The following TLL1 variants were observed in gnomAD, a reference collection of about 807,000 sequenced individuals.
TLL1 encodes tolloid-like protein 1.
TLL1 carries 49 observed loss-of-function variants against 128.2 expected under a neutral mutation model. The ratio of observed to expected loss-of-function variants is 0.38; its 90% CI spans 0.30 to 0.48. TLL1 has a LOEUF of 0.48. Among genes scored for constraint, TLL1 ranks in the 20% least tolerant of loss-of-function variants. The probability of loss-of-function intolerance (pLI) is 0.96; values close to 1 mark genes in which losing one functional copy is unlikely to be tolerated. For missense variants in TLL1, 1,123 were observed against 1,242.0 expected, an observed-to-expected ratio of 0.90 and a Z score of 1.44; for synonymous variants, 454 against 418.8, an observed-to-expected ratio of 1.08 and a Z score of -1.03.
chr4:166,014,689 T>A, intron 8 of TLL1, 129 bp downstream of exon 8: 2 of 1,399,898 alleles, frequency 1.4e-6, no homozygotes, highest in Non-Finnish European at 2.0e-6. Context: ...CAGTTCAAAG[T>A]CAGTAATCAT....
chr4:165,931,310 T>C (rs1336515849), intron 1 of TLL1, among the ~76,000 whole-genome samples: 2 of 152,202 alleles, frequency 1.3e-5, no homozygotes, highest in Non-Finnish European at 1.5e-5. Context: ...AGTTCTGAGC[T>C]TAATTTAATT....
At chr4:165,990,121 T>C (rs1014935502) in intron 2 of TLL1, among the ~76,000 whole-genome samples, 2 of 151,970 alleles carry the variant, frequency 1.3e-5, no homozygotes, top group African/African-American at 4.8e-5. Flanking sequence ...TGTAAGAAAC[T>C]TGATATATGT....
At chr4:166,047,723 GA>G (rs1739525534) in intron 12 of TLL1, among the ~76,000 whole-genome samples, 1 of 152,056 alleles carries the variant, frequency 6.6e-6, no homozygotes, top group African/African-American at 2.4e-5. Context: ...TGAGTTTCAG[GA>G]ATCTTTGAGC....
rs753720943 is a variant in TLL1 at position 166,099,463 on chromosome 4, A to G, written c.2843A>G (p.Tyr948Cys). The change falls in exon 20 of 21, where the codon TAT becomes TGT. Residue 948 changes from tyrosine to cysteine, a missense_variant. Coordinates refer to ENST00000061240, the MANE Select transcript of TLL1 (RefSeq NM_012464.5). ...VEEEADCGYD[Y>C]VELFDGLDST... is the part of the protein sequence containing the mutation. ...GAAGAAGCAGACTGTGGCTATGACT[A>G]TGTGGAGCTCTTTGATGGTCTTGAT... The G allele has an allele frequency of 4.3e-6, 7 of 1,613,330 alleles. No individual in the cohort carries two copies. The South Asian group carries it at 4.4e-5, about 10-fold the overall frequency.
chr4:165,895,694 G>C (rs544842371), intron 1 of TLL1, among the ~76,000 whole-genome samples: 2 of 127,302 alleles, frequency 1.6e-5, no homozygotes, highest in Non-Finnish European at 3.2e-5. Flanking sequence ...ATATAGAAAT[G>C]CAAGGAACCT....
intron 1 of TLL1, among the ~76,000 whole-genome samples, chr4:165,984,417 C>T (rs1273699229): frequency 6.6e-6 from 1 of 151,804 alleles, no homozygotes; most frequent in African/African-American, 2.4e-5. Flanking sequence ...CTTACTTTTC[C>T]TTGGGAATTT....
intron 1 of TLL1, among the ~76,000 whole-genome samples, chr4:165,949,272 C>T (rs1448099079): frequency 6.6e-6 from 1 of 151,986 alleles, no homozygotes; most frequent in Non-Finnish European, 1.5e-5. Context: ...TCTGTTGATG[C>T]AAGGAACTGA....
chr4:165,880,705 A>G (rs1403702537), intron 1 of TLL1, among the ~76,000 whole-genome samples: 1 of 152,216 alleles, frequency 6.6e-6, no homozygotes, highest in Non-Finnish European at 1.5e-5. Flanking sequence ...AGCATTTTAA[A>G]TATTCTGTGT....
chr4:165,976,612 G>C (rs1735896361), intron 1 of TLL1, among the ~76,000 whole-genome samples: 1 of 152,126 alleles, frequency 6.6e-6, no homozygotes, highest in Non-Finnish European at 1.5e-5. Flanking sequence ...TGATAACATA[G>C]GTATGGGACT....
chr4:166,056,926 T>G (rs1405243434), intron 13 of TLL1, among the ~76,000 whole-genome samples: 1 of 152,162 alleles, frequency 6.6e-6, no homozygotes, highest in East Asian at 1.9e-4. Context: ...AAATGAATTG[T>G]TTCCATTTTA....
At chr4:166,069,471 G>C (rs1429588679) in intron 16 of TLL1, among the ~76,000 whole-genome samples, 1 of 151,542 alleles carries the variant, frequency 6.6e-6, no homozygotes, top group Non-Finnish European at 1.5e-5. Flanking sequence ...ATTTGGAAAA[G>C]AAAGCTATTA....
At chr4:166,080,811 G>A (rs1225428178) in intron 18 of TLL1, among the ~76,000 whole-genome samples, 1 of 152,034 alleles carries the variant, frequency 6.6e-6, no homozygotes, top group Non-Finnish European at 1.5e-5. Flanking sequence ...GGTGGAGGCT[G>A]GGATTTAAGA....
chr4:165,985,004 C>T (rs1736336702), intron 1 of TLL1, among the ~76,000 whole-genome samples: 2 of 152,078 alleles, frequency 1.3e-5, no homozygotes, highest in Admixed American at 6.6e-5. Flanking sequence ...ACAACTTATA[C>T]TCCAATTCAC....
intron 8 of TLL1, among the ~76,000 whole-genome samples, chr4:166,023,725 ATGTT>A (rs954400163): frequency 5.9e-5 from 9 of 152,114 alleles, no homozygotes; most frequent in Admixed American, 5.2e-4. Flanking sequence ...TTTTTAGTGT[ATGTT>A]GTATTTTGTT....
chr4:165,909,472 T>C (rs370580255), intron 1 of TLL1, among the ~76,000 whole-genome samples: 7 of 152,254 alleles, frequency 4.6e-5, no homozygotes, highest in African/African-American at 1.7e-4. Context: ...GGAATGATTG[T>C]AGATAAAGAA....
chr4:166,033,673 AG>A (rs1274638433), intron 9 of TLL1, among the ~76,000 whole-genome samples: 3 of 152,206 alleles, frequency 2.0e-5, no homozygotes, highest in African/African-American at 7.2e-5. Context: ...TTTAAAAATA[AG>A]GGTTTCAGTT....
In TLL1 at chr4:166,024,027, T is replaced by C. The variant is rs564546905; in HGVS notation, c.1043-1289T>C. Among the ~76,000 whole-genome samples, 3 of 152,288 alleles carry C rather than the reference T, an allele frequency of 2.0e-5. No homozygotes were observed. In the South Asian group the frequency reaches 6.2e-4, roughly 32 times the overall value. ...ATAAAATCTGAGTACATTTTCATTT[T>C]TCTAAGACTTCTTTTAACCTTACAT... is the stretch of plus-strand genomic sequence containing the variant. On this transcript the variant is annotated intron_variant, in intron 8 of 20. Coordinates refer to ENST00000061240, the MANE Select transcript of TLL1 (RefSeq NM_012464.5).
intron 19 of TLL1, among the ~76,000 whole-genome samples, chr4:166,098,582 C>G (rs562996743): frequency 6.6e-6 from 1 of 151,904 alleles, no homozygotes; most frequent in African/African-American, 2.4e-5. Context: ...GTAATAAACA[C>G]AGGCTATTGT....
At chr4:166,067,116 A>T (rs1004752486) in intron 16 of TLL1, among the ~76,000 whole-genome samples, 40 of 151,766 alleles carry the variant, frequency 2.6e-4, no homozygotes, top group African/African-American at 9.4e-4. Flanking sequence ...GTTCAATAGA[A>T]GCCCCAAACC....
Sources: gnomAD v4.1 joint callset for allele counts (sites outside exome capture counted in the v4.1 genomes callset) on GRCh38, gnomAD v4.1.1 for gene constraint, MANE v1.5 for transcripts, NCBI Gene and HGNC (gene_info 2026-07-23, HGNC 2026-07-21) for gene names.